The following FRMD3 variants were observed in gnomAD, a reference collection of about 807,000 sequenced individuals.
FRMD3 encodes FERM domain containing 3.
In FRMD3, 33 loss-of-function variants were observed where a neutral mutation model predicts 70.2. The ratio of observed to expected loss-of-function variants is 0.47; its 90% CI spans 0.36 to 0.63. The LOEUF (loss-of-function observed/expected upper bound fraction) is 0.63, where lower values mean the gene tolerates loss of function less well. Ranked by LOEUF, FRMD3 falls within the 20% of genes least tolerant of loss-of-function variation. FRMD3 has a pLI of 0.00. For missense variants in FRMD3, 632 were observed against 711.4 expected (o/e 0.89, Z 1.27); for synonymous variants, 279 against 255.9 (o/e 1.09, Z -0.86).
chr9:83,523,757 A>G (rs145492595), intron 1 of FRMD3, among the ~76,000 whole-genome samples: 60 of 152,340 alleles, frequency 3.9e-4, no homozygotes, highest in African/African-American at 1.4e-3. Context: ...GAATTACTGT[A>G]TAACTTTTCC....
intron 2 of FRMD3, among the ~76,000 whole-genome samples, chr9:83,376,910 A>T (rs552475687): frequency 6.6e-6 from 1 of 152,140 alleles, no homozygotes; most frequent in Non-Finnish European, 1.5e-5. Flanking sequence ...AGTGTGTCCA[A>T]TATGATCCTA....
chr9:83,273,634 G>GA (rs35577227), intron 13 of FRMD3, among the ~76,000 whole-genome samples: 76 of 106,368 alleles, frequency 7.1e-4, no homozygotes, highest in African/African-American at 1.1e-3. Flanking sequence ...AAAACCTGGG[G>GA]AAAAAAAAAA....
At chr9:83,375,834 T>C (rs1303463867) in intron 2 of FRMD3, among the ~76,000 whole-genome samples, 1 of 152,120 alleles carries the variant, frequency 6.6e-6, no homozygotes, top group Admixed American at 6.6e-5. Flanking sequence ...AGTTTACCTA[T>C]ATAACAAACC....
At chr9:83,535,457 C>T (rs1471834948) in intron 1 of FRMD3, among the ~76,000 whole-genome samples, 1 of 152,122 alleles carries the variant, frequency 6.6e-6, no homozygotes, top group Non-Finnish European at 1.5e-5. Context: ...GGCAGCACTC[C>T]TGTAGTGAAC....
chr9:83,487,733 A>T (rs1372756360), intron 1 of FRMD3, among the ~76,000 whole-genome samples: 2 of 152,216 alleles, frequency 1.3e-5, no homozygotes, highest in East Asian at 3.8e-4. Context: ...ACTAGCACAG[A>T]GGAGAGAACA....
Position 83,538,060 on chromosome 9 carries a change from C to A in FRMD3, c.147+25G>T. ...CGCCCTGCTCCCGGCGTGTGCCCCG[C>A]GCCCTCGCCCGGTTCCACGCGCACC... On this transcript the variant is annotated intron_variant, in intron 1 of 13. Transcript: ENST00000304195. The surrounding 1 kb of genome is among the most constrained non-coding windows in gnomAD (Gnocchi z 4.7). 1 of 1,608,370 alleles carries A rather than the reference C, an allele frequency of 6.2e-7. No homozygotes were observed. Among genetic ancestry groups the A allele is most frequent in the Non-Finnish European group, 8.5e-7 (1 of 1,176,178 alleles).
At position 83,404,511 on chromosome 9, in the gene FRMD3, A is replaced by G. The variant is rs866093882; in HGVS notation, c.148-14803T>C. Among the ~76,000 whole-genome samples, 3 of 152,376 alleles carry G rather than the reference A, an allele frequency of 2.0e-5. No homozygotes were observed. The East Asian group carries it at 5.8e-4, about 29-fold the overall frequency. ...TCATGGCAGAGCCTGATGGAACTGC[A>G]TAAACCCACAAGAATGTGCAGAAAT... On this transcript the variant is annotated intron_variant, in intron 1 of 13. Coordinates refer to ENST00000304195, the MANE Select transcript of FRMD3 (RefSeq NM_174938.6).
intron 13 of FRMD3, among the ~76,000 whole-genome samples, chr9:83,284,953 T>C (rs776619290): frequency 5.9e-5 from 9 of 152,130 alleles, no homozygotes; most frequent in Non-Finnish European, 1.3e-4. Flanking sequence ...GACATATGCA[T>C]AGACAATGCA....
the FRMD3 span, among the ~76,000 whole-genome samples, chr9:83,578,295 T>C: frequency 2.0e-5 from 3 of 151,908 alleles, no homozygotes; most frequent in African/African-American, 7.2e-5. Context: ...TTCTATAAAA[T>C]TGAACTGGAG....
At chr9:83,580,701 C>T in the FRMD3 span, among the ~76,000 whole-genome samples, 6 of 152,002 alleles carry the variant, frequency 3.9e-5, no homozygotes, top group Non-Finnish European at 8.8e-5. Flanking sequence ...AGATCTACTA[C>T]ACAGAAGAGT....
chr9:83,390,358 G>A (rs1825634627), intron 1 of FRMD3, among the ~76,000 whole-genome samples: 1 of 152,232 alleles, frequency 6.6e-6, no homozygotes, highest in Admixed American at 6.5e-5. Flanking sequence ...GAGTGGCAAT[G>A]CTGTGAGTGG....
chr9:83,566,678 G>A, the FRMD3 span, among the ~76,000 whole-genome samples: 3,590 of 152,258 alleles, frequency 0.024, 67 homozygotes, highest in Middle Eastern at 0.058. Flanking sequence ...AGGGCTACAG[G>A]GCCCAAGCAA....
At chr9:83,479,935 T>C (rs1828528659) in intron 1 of FRMD3, among the ~76,000 whole-genome samples, 1 of 151,998 alleles carries the variant, frequency 6.6e-6, no homozygotes, top group African/African-American at 2.4e-5. Context: ...ATATCAAAAG[T>C]CTCACAATAC....
intron 2 of FRMD3, among the ~76,000 whole-genome samples, chr9:83,381,697 C>T (rs1285310536): frequency 6.6e-6 from 1 of 152,122 alleles, no homozygotes; most frequent in Non-Finnish European, 1.5e-5. Context: ...CTGCGCAAAT[C>T]AGGGGAGGGG....
At position 83,441,487 on chromosome 9, in the gene FRMD3, T is replaced by C. The variant is rs1264423284; in HGVS notation, c.148-51779A>G. On this transcript the variant is annotated intron_variant, in intron 1 of 13. Coordinates refer to ENST00000304195, the MANE Select transcript of FRMD3 (RefSeq NM_174938.6). Reference sequence around the variant, plus strand: ...AAAAAGTCACATTGAGCCAAGTAGATAAATACACAAAAGAGTCTCTACAGA... The same window carrying C: ...AAAAAGTCACATTGAGCCAAGTAGACAAATACACAAAAGAGTCTCTACAGA... Among the ~76,000 whole-genome samples, 6 of 152,118 alleles carry C rather than the reference T, an allele frequency of 3.9e-5. 1 individual carries two copies. The East Asian group carries it at 9.6e-4, about 24-fold the overall frequency.
chr9:83,349,049 C>T (rs1824056182), intron 4 of FRMD3, among the ~76,000 whole-genome samples: 1 of 152,208 alleles, frequency 6.6e-6, no homozygotes, highest in Non-Finnish European at 1.5e-5. Context: ...GTTAAGCGCA[C>T]AGCAGCGCTC....
chr9:83,582,939 G>C, the FRMD3 span, among the ~76,000 whole-genome samples: 6 of 152,114 alleles, frequency 3.9e-5, no homozygotes, highest in African/African-American at 9.7e-5. Flanking sequence ...GGATCGATAA[G>C]CCTATAGCCT....
intron 1 of FRMD3, among the ~76,000 whole-genome samples, chr9:83,461,694 T>C (rs1445857021): frequency 1.0e-5 from 1 of 100,154 alleles, no homozygotes; most frequent in Non-Finnish European, 1.9e-5. Flanking sequence ...TTTTTTTTTT[T>C]TTTTTTTTTT....
chr9:83,486,391 C>T (rs1828690922), intron 1 of FRMD3, among the ~76,000 whole-genome samples: 1 of 152,112 alleles, frequency 6.6e-6, no homozygotes, highest in Admixed American at 6.5e-5. Context: ...ATGTACTTTC[C>T]CAGAGATGGC....
Sources: gnomAD v4.1 joint callset for allele counts (sites outside exome capture counted in the v4.1 genomes callset) on GRCh38, gnomAD v4.1.1 for gene constraint, Gnocchi (gnomAD v3.1) non-coding constraint, MANE v1.5 for transcripts, NCBI Gene and HGNC (gene_info 2026-07-23, HGNC 2026-07-21) for gene names.